The following LEPR variants were observed in gnomAD, a reference collection of about 807,000 sequenced individuals.
LEPR encodes the protein OB receptor.
LEPR carries 56 observed loss-of-function variants against 114.7 expected under a neutral mutation model. The ratio of observed to expected loss-of-function variants is 0.49; its 90% CI spans 0.39 to 0.61. The LOEUF (loss-of-function observed/expected upper bound fraction) is 0.61. Among genes scored for constraint, LEPR ranks in the 20% least tolerant of loss-of-function variants. LEPR has a pLI of 0.00. For synonymous variants in LEPR, 443 were observed against 461.4 expected (o/e 0.96, Z 0.51); for missense variants, 1,202 against 1,352.9 (o/e 0.89, Z 1.75).
intron 2 of LEPR, among the ~76,000 whole-genome samples, chr1:65,531,565 G>A (rs1278611415): frequency 2.0e-5 from 3 of 151,668 alleles, no homozygotes; most frequent in East Asian, 3.9e-4. Context: ...AACTCCACAA[G>A]GGCAGAATTT....
chr1:65,525,572 C>T, intron 2 of LEPR: 1 of 946,034 alleles, frequency 1.1e-6, no homozygotes, highest in Non-Finnish European at 1.3e-6. Context: ...GGGCGCGGGG[C>T]GCACGCGGGC....
At chr1:65,617,279 A>G (rs925893122) in intron 15 of LEPR, among the ~76,000 whole-genome samples, 12 of 152,200 alleles carry the variant, frequency 7.9e-5, no homozygotes, top group Admixed American at 2.0e-4. Context: ...AAGGAATGAA[A>G]AAAAGGAACC....
At position 65,633,225 on chromosome 1, in the gene LEPR, T is replaced by C; in HGVS notation, c.2674-2966T>C. ...AATGTGCCAACTTCCCAACAGTCTA[T>C]AGAGTATTAGAAGATTTTTACATTT... On this transcript the variant is annotated intron_variant, in intron 19 of 19. Coordinates refer to ENST00000349533, the MANE Select transcript of LEPR (RefSeq NM_002303.6). The surrounding 1 kb of genome is among the most constrained non-coding windows in gnomAD (Gnocchi z 4.1). 1 of 1,601,366 alleles carries C rather than the reference T, an allele frequency of 6.2e-7. No individual in the cohort carries two copies. Among genetic ancestry groups the C allele is most frequent in the Non-Finnish European group, 8.5e-7 (1 of 1,175,018 alleles).
intron 12 of LEPR, 62 bp from the exon 13 acceptor site, chr1:65,609,885 A>C: frequency 2.3e-5 from 36 of 1,575,122 alleles, no homozygotes; most frequent in Non-Finnish European, 3.0e-5. Context: ...AATGTACTTC[A>C]GGGCCCTTTA....
At position 65,466,474 on chromosome 1, in the gene LEPR, G is replaced by A. The variant is rs144339922; in HGVS notation, c.-21+41096G>A. ...CCCTTAACATTTTTTCCTTCATTTC[G>A]ACCTTGGTGAATCTGACAATTAATG... is the stretch of plus-strand genomic sequence containing the variant. On this transcript the variant is annotated intron_variant, in intron 2 of 19. Transcript: ENST00000349533. Among the ~76,000 whole-genome samples the A allele has an allele frequency of 2.1e-3, 315 of 151,990 alleles. 2 individuals are homozygous for A. The highest frequency in any genetic ancestry group is 3.7e-3 in the South Asian group (18 of 4,808).
In LEPR at chr1:65,492,247, A is replaced by G. The variant is rs537237461; in HGVS notation, c.-21+66869A>G. 1.2e-4 allele frequency among the ~76,000 whole-genome samples: 18 copies of G among 152,128 alleles called. No homozygotes were observed. In the East Asian group the frequency reaches 2.9e-3, roughly 25 times the overall value. ...CTCCAGAATCATATATTCTTTCTCC[A>G]CTTCCAATCTAATATTAAATCATGT... On this transcript the variant is annotated intron_variant, in intron 2 of 19. Transcript: ENST00000349533.
chr1:65,475,236 C>T (rs965162815), intron 2 of LEPR, among the ~76,000 whole-genome samples: 6 of 152,104 alleles, frequency 3.9e-5, no homozygotes, highest in African/African-American at 1.4e-4. Context: ...TGTTGGACTT[C>T]CGTGTTTTCA....
chr1:65,421,343 G>A, intron 1 of LEPR: 1 of 1,535,672 alleles, frequency 6.5e-7, no homozygotes, highest in Non-Finnish European at 8.7e-7. Flanking sequence ...AAACCAGTGT[G>A]TGTGTAGTAT....
At chr1:65,488,287 C>CCT (rs144052026) in intron 2 of LEPR, among the ~76,000 whole-genome samples, 1,956 of 126,524 alleles carry the variant, frequency 0.015, 72 homozygotes, top group African/African-American at 0.06. Context: ...TCTTTCCCTC[C>CCT]CTCTCTCTCT....
intron 7 of LEPR, among the ~76,000 whole-genome samples, chr1:65,598,459 C>G (rs1045722692): frequency 6.6e-6 from 1 of 151,758 alleles, no homozygotes; most frequent in Admixed American, 6.6e-5. Context: ...TTTCTTGGAC[C>G]CATGGGCTAT....
intron 5 of LEPR, among the ~76,000 whole-genome samples, chr1:65,586,891 A>ATT (rs1406686266): frequency 6.6e-6 from 1 of 152,048 alleles, no homozygotes. Flanking sequence ...AAGGATATAT[A>ATT]CTCTATATGA....
At chr1:65,573,063 ACT>A (rs1307524837) in intron 5 of LEPR, among the ~76,000 whole-genome samples, 1 of 151,976 alleles carries the variant, frequency 6.6e-6, no homozygotes, top group Non-Finnish European at 1.5e-5. Context: ...CAGCTCTGGT[ACT>A]CTCTCTCTGG....
intron 2 of LEPR, among the ~76,000 whole-genome samples, chr1:65,527,174 T>G (rs1650031944): frequency 6.6e-6 from 1 of 152,234 alleles, no homozygotes; most frequent in African/African-American, 2.4e-5. Context: ...TATCAATTAT[T>G]GTTCTTGAAC....
intron 2 of LEPR, among the ~76,000 whole-genome samples, chr1:65,482,123 T>TACACACACACAC (rs141690381): frequency 4.0e-5 from 6 of 149,524 alleles, no homozygotes; most frequent in African/African-American, 1.2e-4. Context: ...ATTTTACACA[T>TACACACACACAC]ACACACACAC....
chr1:65,477,208 T>C (rs1351535371), intron 2 of LEPR, among the ~76,000 whole-genome samples: 1 of 152,154 alleles, frequency 6.6e-6, no homozygotes, highest in African/African-American at 2.4e-5. Flanking sequence ...TCCAAAGAAT[T>C]TCTTACCTTC....
chr1:65,478,704 G>A (rs1350194272), intron 2 of LEPR, among the ~76,000 whole-genome samples: 2 of 152,188 alleles, frequency 1.3e-5, no homozygotes, highest in African/African-American at 4.8e-5. Flanking sequence ...ACCACAAAAA[G>A]TAGGGGTAGA....
intron 19 of LEPR, among the ~76,000 whole-genome samples, chr1:65,631,097 G>A (rs1658500357): frequency 6.6e-6 from 1 of 152,016 alleles, no homozygotes. Flanking sequence ...TGTTGCCCTG[G>A]GTGAGTAGGC....
At chr1:65,485,606 C>T (rs1225327832) in intron 2 of LEPR, among the ~76,000 whole-genome samples, 2 of 152,118 alleles carry the variant, frequency 1.3e-5, no homozygotes, top group Non-Finnish European at 2.9e-5. Flanking sequence ...CATGCAGACA[C>T]ACAAACTCTC....
At chr1:65,527,473 T>C (rs1396398150) in intron 2 of LEPR, among the ~76,000 whole-genome samples, 1 of 152,242 alleles carries the variant, frequency 6.6e-6, no homozygotes, top group East Asian at 1.9e-4. Context: ...TGTCGGGTTG[T>C]TTTAGCAGAC....
Sources: allele counts gnomAD v4.1 joint callset (sites outside exome capture counted in the v4.1 genomes callset), GRCh38; gene constraint gnomAD v4.1.1; non-coding constraint Gnocchi (gnomAD v3.1); transcripts MANE v1.5; gene names NCBI Gene and HGNC (gene_info 2026-07-23, HGNC 2026-07-21).